The following EYA1 variants were observed in gnomAD, a reference collection of about 807,000 sequenced individuals.
EYA1 encodes EYA transcriptional coactivator and phosphatase 1.
A neutral mutation model predicts 82.0 loss-of-function variants in EYA1; 16 were observed. The ratio of observed to expected loss-of-function variants is 0.20; its 90% confidence interval spans 0.13 to 0.30. The LOEUF (loss-of-function observed/expected upper bound fraction) is 0.30. EYA1 is among the 10% of genes least tolerant of loss of function. The pLI, the probability that EYA1 is intolerant of heterozygous loss-of-function variation, is 1.00. For synonymous variants in EYA1, 261 were observed against 264.4 expected, an observed-to-expected ratio of 0.99 and a Z score of 0.12; for missense variants, 633 against 730.7, an observed-to-expected ratio of 0.87 and a Z score of 1.54.
chr8:71,223,622 C>T (rs754649020), intron 12 of EYA1, among the ~76,000 whole-genome samples: 19 of 152,146 alleles, frequency 1.2e-4, no homozygotes, highest in African/African-American at 3.1e-4. Flanking sequence ...CACAGCCATG[C>T]GGCAAATGCA....
chr8:71,516,358 A>C (rs1214830047), intron 2 of EYA1, among the ~76,000 whole-genome samples: 4 of 152,172 alleles, frequency 2.6e-5, no homozygotes, highest in Non-Finnish European at 4.4e-5. Context: ...TAAGGGCCAC[A>C]GTAGAGCTCT....
chr8:71,303,333 C>T (rs138426557), intron 7 of EYA1, among the ~76,000 whole-genome samples: 4,508 of 141,322 alleles, frequency 0.032, 527 homozygotes, highest in African/African-American at 0.11. Context: ...CACACACACA[C>T]ACACATCCAT....
chr8:71,236,197 A>C (rs956045638), intron 12 of EYA1, among the ~76,000 whole-genome samples: 2 of 152,072 alleles, frequency 1.3e-5, no homozygotes, highest in African/African-American at 4.8e-5. Context: ...CATCACGCCC[A>C]GCTAATTTTT....
At chr8:71,415,717 C>T (rs938006141) in intron 2 of EYA1, among the ~76,000 whole-genome samples, 4 of 152,296 alleles carry the variant, frequency 2.6e-5, no homozygotes, top group East Asian at 1.9e-4. Context: ...TCTATAGACA[C>T]GACTTGGCCC....
chr8:71,384,462 C>T (rs999855079), intron 2 of EYA1, among the ~76,000 whole-genome samples: 1 of 152,102 alleles, frequency 6.6e-6, no homozygotes, highest in African/African-American at 2.4e-5. Context: ...GGGCCCTCCC[C>T]GAGAAGCCCT....
chr8:71,207,352 TCTC>T (rs1483640435), intron 17 of EYA1, among the ~76,000 whole-genome samples: 6 of 152,164 alleles, frequency 3.9e-5, no homozygotes, highest in Non-Finnish European at 8.8e-5. Context: ...AGACAAAAAT[TCTC>T]CTTCAATAAA....
At chr8:71,397,373 C>T (rs1829689592) in intron 2 of EYA1, among the ~76,000 whole-genome samples, 1 of 152,200 alleles carries the variant, frequency 6.6e-6, no homozygotes, top group Admixed American at 6.5e-5. Flanking sequence ...GATGCAGTTT[C>T]TTCCTAGCAT....
intron 2 of EYA1, among the ~76,000 whole-genome samples, chr8:71,526,415 TC>T (rs964263170): frequency 6.6e-6 from 1 of 152,196 alleles, no homozygotes; most frequent in African/African-American, 2.4e-5. Context: ...TAGTGATCTA[TC>T]ATGGTGTAAC....
At chr8:71,223,195 T>C (rs927159656) in intron 12 of EYA1, among the ~76,000 whole-genome samples, 5 of 151,962 alleles carry the variant, frequency 3.3e-5, no homozygotes, top group African/African-American at 1.2e-4. Flanking sequence ...GTAGGAGAGC[T>C]GAGGACCAGG....
chr8:71,370,922 G>A (rs556523519), intron 2 of EYA1, among the ~76,000 whole-genome samples: 1 of 152,184 alleles, frequency 6.6e-6, no homozygotes, highest in South Asian at 2.1e-4. Flanking sequence ...ACTACACCCA[G>A]CCTTAACAAA....
chr8:71,488,708 A>G (rs964333749), intron 2 of EYA1, among the ~76,000 whole-genome samples: 4 of 152,210 alleles, frequency 2.6e-5, no homozygotes, highest in African/African-American at 9.6e-5. Context: ...GTCTCTACAC[A>G]CTTTACTAGG....
At chr8:71,292,331 GA>G (rs948557903) in intron 9 of EYA1, among the ~76,000 whole-genome samples, 4 of 151,560 alleles carry the variant, frequency 2.6e-5, no homozygotes, top group Admixed American at 6.6e-5. Context: ...TTTGATCATA[GA>G]AAAAAAATCA....
At chr8:71,279,865 G>A (rs1817619845) in intron 9 of EYA1, among the ~76,000 whole-genome samples, 1 of 152,114 alleles carries the variant, frequency 6.6e-6, no homozygotes, top group Non-Finnish European at 1.5e-5. Context: ...GGAGGGGAGA[G>A]TTCCTATACC....
intron 4 of EYA1, among the ~76,000 whole-genome samples, chr8:71,332,969 C>T (rs1350664001): frequency 6.6e-6 from 1 of 152,196 alleles, no homozygotes; most frequent in African/African-American, 2.4e-5. Flanking sequence ...CTTCCCTGAT[C>T]ACCCCACCCC....
chr8:71,540,579 G>A (rs529273531), intron 1 of EYA1, among the ~76,000 whole-genome samples: 2 of 152,282 alleles, frequency 1.3e-5, no homozygotes, highest in South Asian at 4.1e-4. Flanking sequence ...CTGGGAGTGG[G>A]AGGTAATATG....
chr8:71,492,120 C>T (rs1456722145), intron 2 of EYA1, among the ~76,000 whole-genome samples: 1 of 152,122 alleles, frequency 6.6e-6, no homozygotes, highest in Non-Finnish European at 1.5e-5. Context: ...CGACTGACAT[C>T]TCCTTTTAAA....
chr8:71,394,795 G>A (rs987016602), intron 2 of EYA1, among the ~76,000 whole-genome samples: 1 of 152,116 alleles, frequency 6.6e-6, no homozygotes, highest in Non-Finnish European at 1.5e-5. Flanking sequence ...GGATCCATAT[G>A]AACTTTAAAG....
chr8:71,219,283 T>C (rs534637708), intron 12 of EYA1, among the ~76,000 whole-genome samples: 1 of 152,320 alleles, frequency 6.6e-6, no homozygotes, highest in East Asian at 1.9e-4. Flanking sequence ...GCAAACTCAC[T>C]TCACAGTGAC....
intron 3 of EYA1, among the ~76,000 whole-genome samples, chr8:71,352,393 G>A (rs547288289): frequency 2.1e-4 from 32 of 152,266 alleles, no homozygotes; most frequent in African/African-American, 6.5e-4. Context: ...AACACCGATC[G>A]TGAGGGAAGT....
Sources: gnomAD v4.1 joint callset for allele counts (sites outside exome capture counted in the v4.1 genomes callset) on GRCh38, gnomAD v4.1.1 for gene constraint, MANE v1.5 for transcripts, NCBI Gene and HGNC (gene_info 2026-07-23, HGNC 2026-07-21) for gene names.